Variants in NPAS2 observed in about 807,000 individuals in gnomAD.
The protein encoded by NPAS2 is neuronal PAS domain-containing protein 2.
In NPAS2, 23 loss-of-function variants were observed where a neutral mutation model predicts 107.5. The ratio of observed to expected loss-of-function variants is 0.21; its 90% CI spans 0.15 to 0.30. NPAS2 has a LOEUF of 0.30. Ranked by LOEUF, NPAS2 falls within the 10% of genes least tolerant of loss-of-function variation. NPAS2 has a pLI of 1.00. For missense variants in NPAS2, 756 were observed against 1,043.3 expected (o/e 0.72, Z 3.79); for synonymous variants, 403 against 417.5 (o/e 0.97, Z 0.42).
chr2:100,937,833 G>A lies in NPAS2; in HGVS notation c.354G>A (p.Gly118=), dbSNP rs768669776. The part of the protein sequence containing the change: ...YVSDSITPLL[G]HLPSDVMDQN... Reference sequence around the variant, plus strand: ...CTGACAGTATCACGCCTCTCCTTGGGCATTTACCGGTGAGTTTCCACTCCA... The same window carrying A: ...CTGACAGTATCACGCCTCTCCTTGGACATTTACCGGTGAGTTTCCACTCCA... Residue 118 remains glycine, a synonymous_variant, in exon 5 of 21, where the codon GGG becomes GGA. Transcript: ENST00000335681. 3 of 1,612,726 alleles carry A rather than the reference G, an allele frequency of 1.9e-6. No individual in the cohort carries two copies. The highest frequency in any genetic ancestry group is 2.5e-6 in the Non-Finnish European group (3 of 1,178,864).
chr2:100,828,381 C>G (rs1676519513), intron 1 of NPAS2, among the ~76,000 whole-genome samples: 1 of 152,020 alleles, frequency 6.6e-6, no homozygotes, highest in Admixed American at 6.6e-5. Context: ...TTGATAGGTT[C>G]TTTTTCTGTG....
At chr2:100,912,679 A>G (rs998993743) in intron 2 of NPAS2, among the ~76,000 whole-genome samples, 10 of 152,210 alleles carry the variant, frequency 6.6e-5, no homozygotes, top group Admixed American at 3.3e-4. Flanking sequence ...AGCTTTCCCT[A>G]TGGAGATATG....
chr2:100,896,517 A>T (rs919043807), intron 1 of NPAS2, among the ~76,000 whole-genome samples: 1 of 152,154 alleles, frequency 6.6e-6, no homozygotes, highest in Non-Finnish European at 1.5e-5. Context: ...ACAAAATGAG[A>T]TTATGTTTTT....
chr2:100,991,084 C>T (rs1163046252), intron 19 of NPAS2, among the ~76,000 whole-genome samples: 1 of 152,224 alleles, frequency 6.6e-6, no homozygotes, highest in East Asian at 1.9e-4. Context: ...TCCATGCTTA[C>T]AGCAGCACTG....
intron 1 of NPAS2, among the ~76,000 whole-genome samples, chr2:100,864,606 T>A (rs1234424653): frequency 6.6e-6 from 1 of 152,216 alleles, no homozygotes; most frequent in Admixed American, 6.5e-5. Flanking sequence ...GTCTTTTATA[T>A]TGCTTGAACA....
intron 1 of NPAS2, among the ~76,000 whole-genome samples, chr2:100,842,978 T>C (rs1278779376): frequency 2.0e-5 from 3 of 152,130 alleles, no homozygotes; most frequent in African/African-American, 4.8e-5. Flanking sequence ...CCCAGCACTT[T>C]GGGAGTCTGA....
chr2:100,915,743 G>A (rs2104836569), intron 2 of NPAS2, among the ~76,000 whole-genome samples: 1 of 152,260 alleles, frequency 6.6e-6, no homozygotes, highest in East Asian at 1.9e-4. Flanking sequence ...ACTCTCAAAT[G>A]AACGAAAACT....
chr2:100,861,255 T>C (rs1456654912), intron 1 of NPAS2, among the ~76,000 whole-genome samples: 1 of 152,134 alleles, frequency 6.6e-6, no homozygotes, highest in Non-Finnish European at 1.5e-5. Context: ...AACATATTAC[T>C]GTGTCTACCC....
At chr2:100,845,572 G>A (rs62156101) in intron 1 of NPAS2, among the ~76,000 whole-genome samples, 9,917 of 152,300 alleles carry the variant, frequency 0.065, 438 homozygotes, top group Non-Finnish European at 0.11. Flanking sequence ...TGCTCTGGGT[G>A]GATGCCAGCT....
At chr2:100,828,205 T>C (rs1676506796) in intron 1 of NPAS2, among the ~76,000 whole-genome samples, 2 of 152,212 alleles carry the variant, frequency 1.3e-5, no homozygotes, top group African/African-American at 4.8e-5. Flanking sequence ...ATGTCTTCTT[T>C]TGAGAAGTGT....
intron 1 of NPAS2, chr2:100,878,120 AGCTGAGACAAGCAGCCTGT>A: frequency 8.1e-6 from 8 of 985,456 alleles, no homozygotes; most frequent in Non-Finnish European, 9.6e-6. Context: ...GTTTGGCAGC[AGCTGAGACAAGCAGCCTGT>A]GACAGAAGAC....
At chr2:100,826,147 A>G (rs1386385276) in intron 1 of NPAS2, among the ~76,000 whole-genome samples, 1 of 152,218 alleles carries the variant, frequency 6.6e-6, no homozygotes, top group Non-Finnish European at 1.5e-5. Context: ...ACATATGTAC[A>G]CTTTTAAAAA....
At position 100,863,971 on chromosome 2, in the gene NPAS2, C is replaced by T. The variant is rs540690580; in HGVS notation, c.-22-40762C>T. ...AATCCAAGCCAAACACAACTCAGCA[C>T]TTAGAAATTGTCTGAAATGTGAATG... On this transcript the variant is annotated intron_variant, in intron 1 of 20. Transcript: ENST00000335681. 2.2e-4 allele frequency among the ~76,000 whole-genome samples: 33 copies of T among 152,282 alleles called. No homozygotes were observed. In the South Asian group the frequency reaches 6.2e-3, roughly 29 times the overall value.
At chr2:100,835,354 G>T (rs1337675338) in intron 1 of NPAS2, among the ~76,000 whole-genome samples, 1 of 152,148 alleles carries the variant, frequency 6.6e-6, no homozygotes, top group Admixed American at 6.5e-5. Flanking sequence ...ATCAAATCCA[G>T]CATCTGAACC....
At chr2:100,856,887 A>G (rs1678606578) in intron 1 of NPAS2, among the ~76,000 whole-genome samples, 2 of 152,288 alleles carry the variant, frequency 1.3e-5, no homozygotes, top group African/African-American at 4.8e-5. Context: ...AGCAGGTAGT[A>G]AGACAGCACC....
At chr2:100,921,910 T>C (rs533791248) in intron 2 of NPAS2, among the ~76,000 whole-genome samples, 5 of 152,252 alleles carry the variant, frequency 3.3e-5, no homozygotes, top group African/African-American at 1.2e-4. Flanking sequence ...TTATTACCCC[T>C]GAACTGGAAA....
chr2:100,939,344 C>T (rs967014816), intron 5 of NPAS2, among the ~76,000 whole-genome samples: 1 of 152,102 alleles, frequency 6.6e-6, no homozygotes, highest in African/African-American at 2.4e-5. Flanking sequence ...TTTCCTAAAA[C>T]GAGGGTGCAT....
intron 1 of NPAS2, among the ~76,000 whole-genome samples, chr2:100,856,758 T>A (rs987535609): frequency 6.6e-6 from 1 of 152,038 alleles, no homozygotes; most frequent in Non-Finnish European, 1.5e-5. Context: ...ATAACCCCTG[T>A]GAATCAAAAG....
intron 5 of NPAS2, among the ~76,000 whole-genome samples, chr2:100,940,371 T>C (rs753475929): frequency 1.3e-5 from 2 of 152,240 alleles, no homozygotes; most frequent in Non-Finnish European, 2.9e-5. Flanking sequence ...TTTACTTAGA[T>C]GCATACTTAA....
Sources: gnomAD v4.1 joint callset for allele counts (sites outside exome capture counted in the v4.1 genomes callset) on GRCh38, gnomAD v4.1.1 for gene constraint, MANE v1.5 for transcripts, NCBI Gene and HGNC (gene_info 2026-07-23, HGNC 2026-07-21) for gene names.